Variants in KIAA1217 observed in about 807,000 individuals in gnomAD.
KIAA1217 encodes KIAA1217.
A neutral mutation model predicts 163.9 loss-of-function variants in KIAA1217; 88 were observed. The ratio of observed to expected loss-of-function variants is 0.54; its 90% CI spans 0.45 to 0.64. The LOEUF (loss-of-function observed/expected upper bound fraction) is 0.64. Among genes scored for constraint, KIAA1217 ranks in the 30% least tolerant of loss-of-function variants. The probability of loss-of-function intolerance (pLI) is 0.00; values close to 1 mark genes in which losing one functional copy is unlikely to be tolerated. For synonymous variants in KIAA1217, 903 were observed against 923.1 expected (o/e 0.98, Z 0.39); for missense variants, 2,372 against 2,475.0 (o/e 0.96, Z 0.88).
At chr10:24,139,667 A>G (rs2063972635) in intron 2 of KIAA1217, among the ~76,000 whole-genome samples, 1 of 152,082 alleles carries the variant, frequency 6.6e-6, no homozygotes, top group Non-Finnish European at 1.5e-5. Flanking sequence ...TAATTTTCCT[A>G]TCTGTGAAAT....
At chr10:24,209,003 G>T (rs1296828148), upstream of KIAA1217, 3 of 581,654 alleles carry the variant, frequency 5.2e-6, no homozygotes, top group Non-Finnish European at 6.1e-6. Flanking sequence ...GATCCAAGAG[G>T]CCCCGCGCTG....
At chr10:24,068,574 G>T (rs191438029) in intron 2 of KIAA1217, among the ~76,000 whole-genome samples, 2 of 152,010 alleles carry the variant, frequency 1.3e-5, no homozygotes, top group East Asian at 1.9e-4. Context: ...CTACCACTTT[G>T]CCCAGTCTTC....
chr10:24,312,707 G>A (rs2133072935), intron 2 of KIAA1217, among the ~76,000 whole-genome samples: 1 of 152,216 alleles, frequency 6.6e-6, no homozygotes, highest in South Asian at 2.1e-4. Context: ...CTTGAGTCCA[G>A]GAGTTCGAGA....
chr10:24,079,766 TCA>T (rs1471445481), intron 2 of KIAA1217, among the ~76,000 whole-genome samples: 2 of 152,038 alleles, frequency 1.3e-5, no homozygotes, highest in African/African-American at 4.8e-5. Flanking sequence ...TCCCCATCAC[TCA>T]CAGTCATGGC....
Position 23,916,864 on chromosome 10 carries a change from C to T in KIAA1217, c.-320-90361C>T, listed in dbSNP as rs551589586. Among the ~76,000 whole-genome samples, 13 of 147,670 alleles carry T rather than the reference C, an allele frequency of 8.8e-5. No homozygotes were observed. The East Asian group carries it at 1.4e-3, about 16-fold the overall frequency. On this transcript the variant is annotated intron_variant, in intron 1 of 18. Transcript: ENST00000376462. ...GCGTGTGCCTGTAATTCCAGCTACA[C>T]GGGAGGCTGAGGCAGGAGAATCACT...
At chr10:24,071,386 T>C (rs934106660) in intron 2 of KIAA1217, among the ~76,000 whole-genome samples, 1 of 152,210 alleles carries the variant, frequency 6.6e-6, no homozygotes, top group Non-Finnish European at 1.5e-5. Context: ...TTGGATATCC[T>C]AATGTTAGCT....
intron 1 of KIAA1217, among the ~76,000 whole-genome samples, chr10:23,927,622 A>C (rs894388761): frequency 3.3e-5 from 5 of 152,158 alleles, no homozygotes; most frequent in African/African-American, 1.2e-4. Flanking sequence ...ATGGTGATGC[A>C]CTAGGCTTTT....
intron 1 of KIAA1217, among the ~76,000 whole-genome samples, chr10:23,822,916 TA>T (rs1002037497): frequency 2.6e-5 from 4 of 152,238 alleles, no homozygotes; most frequent in East Asian, 3.8e-4. Context: ...ACCATATGTC[TA>T]AATTTAGCCT....
intron 1 of KIAA1217, among the ~76,000 whole-genome samples, chr10:23,740,430 C>T (rs1445685079): frequency 6.6e-6 from 1 of 152,148 alleles, no homozygotes; most frequent in Non-Finnish European, 1.5e-5. Flanking sequence ...GCAATCATGG[C>T]TCACTGCAGC....
intron 2 of KIAA1217, among the ~76,000 whole-genome samples, chr10:24,015,692 T>C (rs190032439): frequency 1.3e-4 from 19 of 150,838 alleles, no homozygotes; most frequent in African/African-American, 4.1e-4. Context: ...GAGGCAGAGG[T>C]TGCAGTGAGC....
chr10:24,433,111 A>G lies in KIAA1217; in HGVS notation c.670A>G (p.Met224Val), dbSNP rs1168705442. The stretch of plus-strand genomic sequence containing the variant: ...AAGTGCCTTTCCACAGCAGCTCACC[A>G]TGAAAATGCTGGAATCGCCCAGTGT... Reference protein sequence around the residue: ...FVSAFPQQLTMKMLESPSVAI... With the variant: ...FVSAFPQQLTVKMLESPSVAI... The change falls in exon 4 of 21, where the codon ATG becomes GTG. Residue 224 changes from methionine (M) to valine (V), a missense_variant. Coordinates refer to ENST00000376454, the MANE Select transcript of KIAA1217 (RefSeq NM_019590.5). The G allele has an allele frequency of 3.1e-6, 5 of 1,614,182 alleles. No individual in the cohort carries two copies. The highest frequency in any genetic ancestry group is 2.2e-5 in the South Asian group (2 of 91,080).
At position 24,402,532 on chromosome 10, in the gene KIAA1217, A is replaced by C. The variant is rs56092565; in HGVS notation, c.553+21465A>C. ...TCAAAAAAACAAAAAACAAAACAAA[A>C]AAAAAAAAAAGGCAAAGGAGTTTGA... On this transcript the variant is annotated intron_variant, in intron 3 of 20. Transcript: ENST00000376454. 4.3e-3 allele frequency among the ~76,000 whole-genome samples: 546 copies of C among 128,382 alleles called. 7 individuals are homozygous for C. The highest frequency in any genetic ancestry group is 5.5e-3 in the Non-Finnish European group (309 of 56,372). 84.2% of individuals were successfully genotyped at this position (128,382 alleles called of 152,430 possible).
At position 24,391,817 on chromosome 10, in the gene KIAA1217, T is replaced by C. The variant is rs368946734; in HGVS notation, c.553+10750T>C. On this transcript the variant is annotated intron_variant, in intron 3 of 20. Transcript: ENST00000376454. ...CAAAGCCATTTCAGAAAATCAGTCT[T>C]GGCGTTAAGTTAGAGTGAACTATTC... Among the ~76,000 whole-genome samples, 96 of 152,334 alleles carry C rather than the reference T, an allele frequency of 6.3e-4. No individual in the cohort carries two copies. In the South Asian group the frequency reaches 0.019, roughly 31 times the overall value.
intron 1 of KIAA1217, among the ~76,000 whole-genome samples, chr10:23,815,576 A>G (rs373898480): frequency 8.5e-5 from 13 of 152,300 alleles, no homozygotes; most frequent in South Asian, 2.1e-4. Context: ...CCTGGGAGGC[A>G]GAGCTTGCAG....
At chr10:24,218,953 C>T (rs376984666) in intron 1 of KIAA1217, among the ~76,000 whole-genome samples, 2 of 152,074 alleles carry the variant, frequency 1.3e-5, no homozygotes, top group African/African-American at 4.8e-5. Flanking sequence ...CCCGACTGAG[C>T]TTATATAAGA....
chr10:23,923,128 T>C (rs1004745043), intron 1 of KIAA1217, among the ~76,000 whole-genome samples: 1 of 152,240 alleles, frequency 6.6e-6, no homozygotes, highest in South Asian at 2.1e-4. Flanking sequence ...CAAAGTCCAT[T>C]GTATCATTCT....
chr10:24,460,490 G>A (rs2062287711), intron 5 of KIAA1217, among the ~76,000 whole-genome samples: 1 of 152,044 alleles, frequency 6.6e-6, no homozygotes, highest in African/African-American at 2.4e-5. Flanking sequence ...TTATTTTGAG[G>A]AAAAATTGAA....
chr10:24,260,474 G>A (rs1173695495), intron 2 of KIAA1217, among the ~76,000 whole-genome samples: 1 of 151,602 alleles, frequency 6.6e-6, no homozygotes, highest in Non-Finnish European at 1.5e-5. Flanking sequence ...TTGAGGCCAG[G>A]CATGGTGGCT....
intron 7 of KIAA1217, chr10:24,494,868 C>T (rs2066586877): frequency 5.2e-6 from 3 of 573,144 alleles, no homozygotes. Flanking sequence ...GCTTCATGGA[C>T]CACTCACCGT....
Sources: gnomAD v4.1 joint callset for allele counts (sites outside exome capture counted in the v4.1 genomes callset) on GRCh38, gnomAD v4.1.1 for gene constraint, MANE v1.5 for transcripts, NCBI Gene and HGNC (gene_info 2026-07-23, HGNC 2026-07-21) for gene names.